NFIB: variants seen among roughly 807,000 people sequenced by gnomAD.
The protein encoded by NFIB is nuclear factor 1 B-type.
In NFIB, 11 loss-of-function variants were observed where a neutral mutation model predicts 61.5. That is an observed-to-expected ratio of 0.18 (90% confidence interval 0.11 to 0.30). NFIB has a LOEUF of 0.30. Ranked by LOEUF, NFIB falls within the 10% of genes least tolerant of loss-of-function variation. NFIB has a pLI of 1.00. For synonymous variants in NFIB, 260 were observed against 216.5 expected (o/e 1.20, Z -1.76); for missense variants, 471 against 608.9 (o/e 0.77, Z 2.38).
chr9:14,102,536 A>G, intron 10 of NFIB: 2 of 1,542,966 alleles, frequency 1.3e-6, no homozygotes, highest in Non-Finnish European at 1.8e-6. Flanking sequence ...TAGCAGTCAG[A>G]TATGGATCGA....
At chr9:14,510,992 A>G in the NFIB span, among the ~76,000 whole-genome samples, 2 of 152,192 alleles carry the variant, frequency 1.3e-5, no homozygotes, top group Non-Finnish European at 2.9e-5. Flanking sequence ...TTGTAACCAA[A>G]TTTGTGTCCC....
chr9:14,467,946 A>G, the NFIB span, among the ~76,000 whole-genome samples: 2 of 152,378 alleles, frequency 1.3e-5, no homozygotes, highest in South Asian at 2.1e-4. Flanking sequence ...GATCTGTGCA[A>G]TTCCAAGTGT....
rs1001802605 is a variant in NFIB at position 14,151,414 on chromosome 9, T to C, written c.686-1149A>G. ...GGTGTTGGCTGCAATGTGTACAAAA[T>C]AGTCTCATATATTGCCCTTAATAAA... On this transcript the variant is annotated intron_variant, in intron 4 of 10. Transcript: ENST00000380953. 7.2e-5 allele frequency among the ~76,000 whole-genome samples: 11 copies of C among 152,146 alleles called. No individual in the cohort carries two copies. The South Asian group carries it at 1.2e-3, about 17-fold the overall frequency.
chr9:14,092,757 T>C (rs2034139664), intron 10 of NFIB, among the ~76,000 whole-genome samples: 1 of 152,056 alleles, frequency 6.6e-6, no homozygotes, highest in Non-Finnish European at 1.5e-5. Context: ...GAAACAAATC[T>C]AGTTGAAGTT....
chr9:14,222,795 CAAAAA>C (rs58787088), intron 2 of NFIB, among the ~76,000 whole-genome samples: 3 of 86,770 alleles, frequency 3.5e-5, no homozygotes, highest in South Asian at 4.5e-4. Flanking sequence ...GATCCTGTCT[CAAAAA>C]AAAAAAAAAG....
intron 4 of NFIB, among the ~76,000 whole-genome samples, chr9:14,152,584 A>G (rs12349598): frequency 0.064 from 9,768 of 152,114 alleles, 921 homozygotes; most frequent in African/African-American, 0.21. Context: ...AACTATTTTC[A>G]ATTTATTAAG....
intron 1 of NFIB, among the ~76,000 whole-genome samples, chr9:14,337,834 G>A (rs959973207): frequency 6.6e-6 from 1 of 152,186 alleles, no homozygotes; most frequent in Admixed American, 6.5e-5. Flanking sequence ...GATGCTGTCT[G>A]CCAAATTCCC....
At chr9:14,107,331 CAA>C (rs998325865) in intron 10 of NFIB, among the ~76,000 whole-genome samples, 1 of 145,376 alleles carries the variant, frequency 6.9e-6, no homozygotes, top group African/African-American at 2.5e-5. Flanking sequence ...AACAAACAAA[CAA>C]AAAAAAAAGA....
At chr9:14,510,918 T>A in the NFIB span, among the ~76,000 whole-genome samples, 47 of 152,146 alleles carry the variant, frequency 3.1e-4, no homozygotes, top group Admixed American at 9.2e-4. Context: ...CATCATAAGA[T>A]CCCCCCTACC....
At chr9:14,245,585 A>G (rs2054827671) in intron 2 of NFIB, among the ~76,000 whole-genome samples, 1 of 152,176 alleles carries the variant, frequency 6.6e-6, no homozygotes, top group Admixed American at 6.5e-5. Flanking sequence ...AATAATAAGT[A>G]CACATGGCCG....
chr9:14,289,051 CT>C (rs2058900819), intron 2 of NFIB, among the ~76,000 whole-genome samples: 1 of 142,954 alleles, frequency 7.0e-6, no homozygotes. Context: ...ATATCTTGTC[CT>C]TTTTTATTAG....
intron 6 of NFIB, among the ~76,000 whole-genome samples, chr9:14,134,205 A>C (rs1404785998): frequency 6.6e-6 from 1 of 152,222 alleles, no homozygotes; most frequent in Non-Finnish European, 1.5e-5. Flanking sequence ...CATTGAAATT[A>C]TTACGGCTTA....
intron 6 of NFIB, among the ~76,000 whole-genome samples, chr9:14,130,133 C>T (rs1204619169): frequency 6.6e-6 from 1 of 152,066 alleles, no homozygotes; most frequent in Non-Finnish European, 1.5e-5. Context: ...AATTTTCTTC[C>T]TAGTCTCCTC....
At chr9:14,144,513 T>C (rs2131087297) in intron 6 of NFIB, among the ~76,000 whole-genome samples, 1 of 152,316 alleles carries the variant, frequency 6.6e-6, no homozygotes, top group African/African-American at 2.4e-5. Context: ...CCTTCACTAA[T>C]GAGACTGGTG....
intron 2 of NFIB, among the ~76,000 whole-genome samples, chr9:14,209,269 C>T (rs908340877): frequency 6.6e-6 from 1 of 152,138 alleles, no homozygotes; most frequent in Non-Finnish European, 1.5e-5. Flanking sequence ...CTTTAAAGTT[C>T]ACGTAATTGC....
the NFIB span, among the ~76,000 whole-genome samples, chr9:14,436,332 G>A: frequency 6.6e-6 from 1 of 152,182 alleles, no homozygotes; most frequent in Non-Finnish European, 1.5e-5. Flanking sequence ...TGCCACTAGT[G>A]GTGAATCTCA....
At position 14,086,490 on chromosome 9, in the gene NFIB, TC is replaced by T. The variant is rs969594529; in HGVS notation, c.*1818del. 4.7e-6 allele frequency: 1 copy of T among 211,450 alleles called. No homozygotes were observed. Among genetic ancestry groups the T allele is most frequent in the Non-Finnish European group, 9.4e-6 (1 of 105,980 alleles). 13.1% of individuals were successfully genotyped at this position (211,450 alleles called of 1,614,324 possible). ...ATAATTCGTATAAATTTGAAACCCC[TC>T]CCCCCCAAATATTAATTGGAAGATG... is the stretch of plus-strand genomic sequence containing the variant. On this transcript the variant is annotated 3_prime_UTR_variant, in exon 11 of 11. Coordinates refer to ENST00000380953, the MANE Select transcript of NFIB (RefSeq NM_001190737.2).
the NFIB span, among the ~76,000 whole-genome samples, chr9:14,418,549 A>G: frequency 6.6e-6 from 1 of 152,178 alleles, no homozygotes; most frequent in East Asian, 1.9e-4. Flanking sequence ...GGTTTGCTGC[A>G]TGGAAACTCA....
the NFIB span, among the ~76,000 whole-genome samples, chr9:14,459,978 G>A: frequency 1.3e-5 from 2 of 151,998 alleles, no homozygotes; most frequent in Non-Finnish European, 2.9e-5. Context: ...CAGGGATCTA[G>A]AACTAGAAAT....
Sources: allele counts gnomAD v4.1 joint callset (sites outside exome capture counted in the v4.1 genomes callset), GRCh38; gene constraint gnomAD v4.1.1; transcripts MANE v1.5; gene names NCBI Gene and HGNC (gene_info 2026-07-23, HGNC 2026-07-21).